Variants in ADAMTSL1 observed in about 807,000 individuals in gnomAD.
ADAMTSL1 encodes the protein ADAMTS-like protein 1.
Under a neutral mutation model 201.8 loss-of-function variants are expected in ADAMTSL1, and 126 were observed. The observed-to-expected ratio is 0.62, with a 90% CI of 0.54 to 0.72. The LOEUF (loss-of-function observed/expected upper bound fraction) is 0.72, where lower values mean the gene tolerates loss of function less well. Ranked by LOEUF, ADAMTSL1 falls within the 30% of genes least tolerant of loss-of-function variation. The probability of loss-of-function intolerance (pLI) is 0.00; values close to 1 mark genes in which losing one functional copy is unlikely to be tolerated. For missense variants in ADAMTSL1, 2,679 were observed against 2,277.8 expected, an observed-to-expected ratio of 1.18 and a Z score of -3.59; for synonymous variants, 1,121 against 903.4, an observed-to-expected ratio of 1.24 and a Z score of -4.32.
At chr9:18,134,686 A>G (rs939594709) in intron 1 of ADAMTSL1, among the ~76,000 whole-genome samples, 1 of 152,152 alleles carries the variant, frequency 6.6e-6, no homozygotes, top group African/African-American at 2.4e-5. Context: ...TTTAAAGTAA[A>G]CAGCCTTAGA....
chr9:18,474,078 AC>A, upstream of ADAMTSL1: 1 of 420,596 alleles, frequency 2.4e-6, no homozygotes, highest in Non-Finnish European at 4.4e-6. Context: ...CCACCCATCC[AC>A]CCACCCACCC....
intron 1 of ADAMTSL1, among the ~76,000 whole-genome samples, chr9:17,994,513 C>T (rs1019288030): frequency 6.6e-5 from 10 of 152,062 alleles, no homozygotes; most frequent in Non-Finnish European, 1.3e-4. Context: ...ATTAGATATT[C>T]GGTATATTCA....
chr9:18,786,795 T>C (rs1563800650), intron 19 of ADAMTSL1, among the ~76,000 whole-genome samples: 1 of 152,236 alleles, frequency 6.6e-6, no homozygotes, highest in African/African-American at 2.4e-5. Context: ...GATGTTGATA[T>C]TCTACTGACA....
intron 2 of ADAMTSL1, among the ~76,000 whole-genome samples, chr9:18,213,320 G>C (rs1023474718): frequency 1.3e-5 from 2 of 152,190 alleles, no homozygotes; most frequent in African/African-American, 4.8e-5. Flanking sequence ...CATTGGAACT[G>C]TGATGATAAC....
chr9:18,418,619 T>C, intron 2 of ADAMTSL1, among the ~76,000 whole-genome samples: 1 of 152,050 alleles, frequency 6.6e-6, no homozygotes, highest in East Asian at 1.9e-4. Context: ...ATGGGGAAAA[T>C]GATATAGGGC....
chr9:18,630,380 T>G (rs1826678986), intron 5 of ADAMTSL1, among the ~76,000 whole-genome samples: 1 of 152,194 alleles, frequency 6.6e-6, no homozygotes, highest in East Asian at 1.9e-4. Flanking sequence ...TTCCTCACAC[T>G]TATGTATTGA....
chr9:18,162,544 T>C (rs1274924663), intron 1 of ADAMTSL1, among the ~76,000 whole-genome samples: 2 of 152,000 alleles, frequency 1.3e-5, no homozygotes, highest in Admixed American at 6.6e-5. Flanking sequence ...AATTAAGACC[T>C]TTTTGTCTTG....
intron 2 of ADAMTSL1, among the ~76,000 whole-genome samples, chr9:18,281,559 A>T (rs1832791268): frequency 1.3e-5 from 2 of 152,192 alleles, no homozygotes; most frequent in African/African-American, 4.8e-5. Flanking sequence ...TGGGCTCAAG[A>T]AACACAAAAA....
chr9:18,120,839 A>G (rs1173757378), intron 1 of ADAMTSL1, among the ~76,000 whole-genome samples: 1 of 152,184 alleles, frequency 6.6e-6, no homozygotes, highest in Non-Finnish European at 1.5e-5. Context: ...AAAATTAATT[A>G]TGGAACAGAG....
At chr9:17,957,632 A>G (rs1040599804) in intron 1 of ADAMTSL1, among the ~76,000 whole-genome samples, 3 of 152,178 alleles carry the variant, frequency 2.0e-5, no homozygotes, top group Non-Finnish European at 4.4e-5. Context: ...CCCCAAATTC[A>G]TGTCCACTTA....
At chr9:18,838,613 G>C (rs372257137) in intron 23 of ADAMTSL1, among the ~76,000 whole-genome samples, 2 of 152,068 alleles carry the variant, frequency 1.3e-5, no homozygotes, top group East Asian at 3.9e-4. Context: ...GATTGCTTGA[G>C]GTCAAGCATT....
At chr9:18,652,950 C>A (rs1828388484) in intron 7 of ADAMTSL1, among the ~76,000 whole-genome samples, 1 of 152,160 alleles carries the variant, frequency 6.6e-6, no homozygotes, top group East Asian at 1.9e-4. Flanking sequence ...GCCATGTGTT[C>A]TTGAGAGGAA....
intron 4 of ADAMTSL1, chr9:18,574,499 T>C (rs1564060715): frequency 1.7e-6 from 1 of 587,546 alleles, no homozygotes; most frequent in South Asian, 2.3e-5. Context: ...CACTTGAATA[T>C]AAAAGAATAA....
chr9:18,823,592 C>T (rs1003784735), intron 21 of ADAMTSL1, among the ~76,000 whole-genome samples: 1 of 152,202 alleles, frequency 6.6e-6, no homozygotes, highest in Non-Finnish European at 1.5e-5. Context: ...TTCTCTCCCC[C>T]TGAGTCTTTG....
chr9:18,315,207 A>G (rs9987785), intron 2 of ADAMTSL1, among the ~76,000 whole-genome samples: 41,202 of 151,822 alleles, frequency 0.27, 6,358 homozygotes, highest in Admixed American at 0.47. Context: ...TGGAGCATTG[A>G]CAAATCTTGA....
intron 14 of ADAMTSL1, among the ~76,000 whole-genome samples, chr9:18,715,125 A>G (rs1195725417): frequency 7.2e-6 from 1 of 139,066 alleles, no homozygotes; most frequent in Non-Finnish European, 1.6e-5. Flanking sequence ...ACCCACAGCC[A>G]ATATCATACT....
chr9:18,213,772 C>T (rs1441596587), intron 2 of ADAMTSL1, among the ~76,000 whole-genome samples: 1 of 152,146 alleles, frequency 6.6e-6, no homozygotes, highest in Non-Finnish European at 1.5e-5. Context: ...CAGAGTCTCG[C>T]TCTGTCGCCC....
chr9:18,349,540 A>G (rs1040222409), intron 2 of ADAMTSL1, among the ~76,000 whole-genome samples: 1 of 152,178 alleles, frequency 6.6e-6, no homozygotes. Context: ...TATTATTGGG[A>G]GGATTTTAAA....
Position 18,133,449 on chromosome 9 carries a change from T to C in ADAMTSL1, c.88-30413T>C, listed in dbSNP as rs192447069. 5.3e-5 allele frequency among the ~76,000 whole-genome samples: 8 copies of C among 152,342 alleles called. No individual in the cohort carries two copies. The East Asian group carries it at 9.6e-4, about 18-fold the overall frequency. On this transcript the variant is annotated intron_variant, in intron 1 of 29. Coordinates refer to the ADAMTSL1 transcript ENST00000680146. ...CTAAACATTTTCATAAAGTATTTCATTGAATCTCATATATTATCTCCCTTT... is the reference window on the plus strand; with the variant it reads ...CTAAACATTTTCATAAAGTATTTCACTGAATCTCATATATTATCTCCCTTT...
Sources: gnomAD v4.1 joint callset for allele counts (sites outside exome capture counted in the v4.1 genomes callset) on GRCh38, gnomAD v4.1.1 for gene constraint, MANE v1.5 for transcripts, NCBI Gene and HGNC (gene_info 2026-07-23, HGNC 2026-07-21) for gene names.